The following KDM4C variants were observed in gnomAD, a reference collection of about 807,000 sequenced individuals.
The protein encoded by KDM4C is lysine-specific demethylase 4C.
Under a neutral mutation model 129.3 loss-of-function variants are expected in KDM4C, and 81 were observed. The ratio of observed to expected loss-of-function variants is 0.63; its 90% CI spans 0.52 to 0.75. The LOEUF is 0.75. KDM4C is among the 30% of genes least tolerant of loss of function. The pLI is 0.00. For synonymous variants in KDM4C, 573 were observed against 456.1 expected (o/e 1.26, Z -3.26); for missense variants, 1,457 against 1,304.0 (o/e 1.12, Z -1.81).
intron 1 of KDM4C, among the ~76,000 whole-genome samples, chr9:6,733,681 C>T (rs564326020): frequency 9.9e-5 from 15 of 152,092 alleles, no homozygotes; most frequent in African/African-American, 2.7e-4. Flanking sequence ...AGGGAGAGTC[C>T]GTAGTGTAAA....
intron 8 of KDM4C, among the ~76,000 whole-genome samples, chr9:6,922,010 T>C (rs1469454954): frequency 6.6e-6 from 1 of 152,216 alleles, no homozygotes; most frequent in Non-Finnish European, 1.5e-5. Flanking sequence ...GGAACCCTCT[T>C]CACAATCCCA....
chr9:6,774,107 C>T lies in KDM4C; in HGVS notation c.-18+15904C>T, dbSNP rs893744126. Among the ~76,000 whole-genome samples the T allele has an allele frequency of 1.2e-4, 18 of 151,964 alleles. No homozygotes were observed. In the East Asian group the frequency reaches 2.3e-3, roughly 20 times the overall value. ...TTCACCATACTGGTCAGGCTGGTTT[C>T]GAACTCCTGACCTCAAGTGATCCAC... is the stretch of plus-strand genomic sequence containing the variant. On this transcript the variant is annotated intron_variant, in intron 1 of 21. Coordinates refer to ENST00000381309, the MANE Select transcript of KDM4C (RefSeq NM_015061.6).
chr9:6,880,585 T>A (rs191588212), intron 6 of KDM4C, among the ~76,000 whole-genome samples: 1 of 152,168 alleles, frequency 6.6e-6, no homozygotes, highest in Non-Finnish European at 1.5e-5. Context: ...TGAATGGCTC[T>A]GAGTAACAAT....
intron 5 of KDM4C, among the ~76,000 whole-genome samples, chr9:6,862,764 G>A (rs556762134): frequency 6.6e-6 from 1 of 152,150 alleles, no homozygotes; most frequent in South Asian, 2.1e-4. Context: ...CCGAGATCAC[G>A]CCACTGTACT....
intron 17 of KDM4C, among the ~76,000 whole-genome samples, chr9:7,059,757 T>G (rs973169024): frequency 2.0e-5 from 3 of 152,210 alleles, no homozygotes; most frequent in Admixed American, 6.5e-5. Flanking sequence ...TGGCAAAAAT[T>G]TAAAACAACG....
chr9:6,800,600 A>G (rs1025567010), intron 2 of KDM4C, among the ~76,000 whole-genome samples: 8 of 144,146 alleles, frequency 5.5e-5, no homozygotes, highest in African/African-American at 1.3e-4. Context: ...ATGTATATCT[A>G]TCTATTTTAT....
At chr9:7,136,802 G>C (rs553542015) in intron 19 of KDM4C, among the ~76,000 whole-genome samples, 1 of 152,240 alleles carries the variant, frequency 6.6e-6, no homozygotes, top group South Asian at 2.1e-4. Flanking sequence ...AGTGTATAAA[G>C]AGCAAAAGTT....
At chr9:6,811,696 T>G (rs1831178993) in intron 3 of KDM4C, among the ~76,000 whole-genome samples, 1 of 152,224 alleles carries the variant, frequency 6.6e-6, no homozygotes, top group African/African-American at 2.4e-5. Context: ...ACAAGCTTCC[T>G]GTTTTTATCC....
chr9:6,858,874 T>C (rs1395032427), intron 5 of KDM4C, among the ~76,000 whole-genome samples: 5 of 151,952 alleles, frequency 3.3e-5, no homozygotes, highest in Non-Finnish European at 5.9e-5. Flanking sequence ...TTTCACACAC[T>C]ACTTAATGTC....
At chr9:6,897,978 A>C (rs1489313265) in intron 8 of KDM4C, among the ~76,000 whole-genome samples, 1 of 152,012 alleles carries the variant, frequency 6.6e-6, no homozygotes, top group East Asian at 1.9e-4. Context: ...GTCCGTGATT[A>C]CTCTGTGCAG....
intron 8 of KDM4C, among the ~76,000 whole-genome samples, chr9:6,951,653 C>G (rs1828163824): frequency 6.6e-6 from 1 of 152,156 alleles, no homozygotes; most frequent in Non-Finnish European, 1.5e-5. Context: ...AGGACAATTA[C>G]CCATGGTATA....
At chr9:7,119,491 A>T (rs956864251) in intron 18 of KDM4C, among the ~76,000 whole-genome samples, 17 of 152,168 alleles carry the variant, frequency 1.1e-4, no homozygotes, top group African/African-American at 2.9e-4. Context: ...ACAGAAATTT[A>T]AAAAATATTA....
chr9:7,039,756 A>G lies in KDM4C; in HGVS notation c.2260-7106A>G, dbSNP rs951408735. ...ATATTTATTCATTGAGTGGATCATCATAAAGGTCTTCATCCTTGTTATCTT... is the reference window on the plus strand; with the variant it reads ...ATATTTATTCATTGAGTGGATCATCGTAAAGGTCTTCATCCTTGTTATCTT... On this transcript the variant is annotated intron_variant, in intron 15 of 21. Coordinates refer to ENST00000381309, the MANE Select transcript of KDM4C (RefSeq NM_015061.6). Among the ~76,000 whole-genome samples, 7 of 152,198 alleles carry G rather than the reference A, an allele frequency of 4.6e-5. No individual in the cohort carries two copies. The East Asian group carries it at 1.2e-3, about 25-fold the overall frequency.
In KDM4C at chr9:6,806,920, G is replaced by C. The variant is rs1013190288; in HGVS notation, c.320+1146G>C. ...CCTCTCCCTCTCCCTCTCCCTCTCC[G>C]TCTCCCCACGGTCTCCCTCTCATGC... On this transcript the variant is annotated intron_variant, in intron 3 of 21. Coordinates refer to ENST00000381309, the MANE Select transcript of KDM4C (RefSeq NM_015061.6). Among the ~76,000 whole-genome samples the C allele has an allele frequency of 5.0e-3, 600 of 120,560 alleles. 3 individuals are homozygous for C. The highest frequency in any genetic ancestry group is 7.3e-3 in the Non-Finnish European group (416 of 56,816). The allele number at this position is 120,560 out of a possible 152,430, so 79.1% of individuals were successfully genotyped here.
At chr9:7,107,287 A>T (rs182644299) in intron 18 of KDM4C, among the ~76,000 whole-genome samples, 14 of 152,372 alleles carry the variant, frequency 9.2e-5, no homozygotes, top group Admixed American at 9.1e-4. Flanking sequence ...AGGAAAAGAC[A>T]ACACAATAAA....
chr9:7,098,874 C>G lies in KDM4C; in HGVS notation c.2425-4811C>G, dbSNP rs1423670798. Among the ~76,000 whole-genome samples, 7 of 151,638 alleles carry G rather than the reference C, an allele frequency of 4.6e-5. No homozygotes were observed. In the East Asian group the frequency reaches 1.4e-3, roughly 29 times the overall value. ...GATTGACTTAATGAATAATAATGAG[C>G]AGAACATAAATCTTACAGGTAGGGT... On this transcript the variant is annotated intron_variant, in intron 17 of 21. Coordinates refer to ENST00000381309, the MANE Select transcript of KDM4C (RefSeq NM_015061.6).
intron 4 of KDM4C, chr9:6,819,195 C>T (rs1221000658): frequency 6.6e-6 from 1 of 152,036 alleles, no homozygotes; most frequent in South Asian, 2.1e-4. Flanking sequence ...CAAAAATGTC[C>T]TGAATTAGCT....
chr9:6,934,689 C>G (rs1010098870), intron 8 of KDM4C, among the ~76,000 whole-genome samples: 2 of 151,702 alleles, frequency 1.3e-5, no homozygotes, highest in African/African-American at 4.8e-5. Flanking sequence ...GTCTCAATCT[C>G]TTGACCTCGT....
intron 1 of KDM4C, among the ~76,000 whole-genome samples, chr9:6,785,610 T>C (rs867552212): frequency 6.6e-6 from 1 of 152,226 alleles, no homozygotes. Context: ...GTGCTGGGAT[T>C]ACAGGCATGA....
Sources: allele counts gnomAD v4.1 joint callset (sites outside exome capture counted in the v4.1 genomes callset), GRCh38; gene constraint gnomAD v4.1.1; transcripts MANE v1.5; gene names NCBI Gene and HGNC (gene_info 2026-07-23, HGNC 2026-07-21).